Variants in PTPRQ observed in about 807,000 individuals in gnomAD.
The protein encoded by PTPRQ is protein tyrosine phosphatase receptor type Q, also known as phosphatidylinositol phosphatase PTPRQ.
A neutral mutation model predicts 246.0 loss-of-function variants in PTPRQ; 199 were observed. The observed-to-expected ratio is 0.81, with a 90% confidence interval of 0.72 to 0.91. PTPRQ has a LOEUF of 0.91. Among genes scored for constraint, PTPRQ ranks in the 40% least tolerant of loss-of-function variants. PTPRQ has a pLI of 0.00. For missense variants in PTPRQ, 2,624 were observed against 2,528.4 expected (o/e 1.04, Z -0.81); for synonymous variants, 869 against 853.2 (o/e 1.02, Z -0.32).
intron 25 of PTPRQ, among the ~76,000 whole-genome samples, chr12:80,571,455 G>A (rs796259096): frequency 2.0e-5 from 3 of 152,252 alleles, no homozygotes; most frequent in African/African-American, 7.2e-5. Flanking sequence ...CTTTATTAGA[G>A]ATATGTATAA....
At position 80,552,646 on chromosome 12, in the gene PTPRQ, TATA is replaced by T. The variant is rs1345200461; in HGVS notation, c.4285+2913_4285+2915del. ...CCAGGTCTTTGTAAAAAAAAAAAAT[TATA>T]TATATATATATATATATATATATAT... On this transcript the variant is annotated intron_variant, in intron 25 of 44. Coordinates refer to ENST00000644991, the MANE Select transcript of PTPRQ (RefSeq NM_001145026.2). Among the ~76,000 whole-genome samples the T allele has an allele frequency of 4.9e-3, 3 of 618 alleles. No individual in the cohort carries two copies. The East Asian group carries it at 0.056, about 11-fold the overall frequency. 0.4% of individuals were successfully genotyped at this position (618 alleles called of 152,430 possible). A position where few individuals can be genotyped will look rare whatever the true frequency, so the allele number is the denominator to read the frequency against.
At chr12:80,660,734 T>A (rs1325896426) in intron 39 of PTPRQ, among the ~76,000 whole-genome samples, 1 of 152,044 alleles carries the variant, frequency 6.6e-6, no homozygotes, top group African/African-American at 2.4e-5. Flanking sequence ...TTTGTTCCTA[T>A]GTTGACAGAG....
intron 26 of PTPRQ, among the ~76,000 whole-genome samples, chr12:80,600,544 C>A (rs766643698): frequency 2.0e-5 from 3 of 151,600 alleles, no homozygotes; most frequent in Non-Finnish European, 4.4e-5. Context: ...CTTTCTTAGC[C>A]GCAGAAAATT....
rs1233763622 is a variant in PTPRQ at position 80,680,209 on chromosome 12, C to T, written c.*1186C>T. 2 of 151,306 alleles carry T rather than the reference C, an allele frequency of 1.3e-5. No individual in the cohort carries two copies. The highest frequency in any genetic ancestry group is 1.5e-5 in the Non-Finnish European group (1 of 67,754). The allele number at this position is 151,306 out of a possible 1,614,324, so 9.4% of individuals were successfully genotyped here. A position where few individuals can be genotyped will look rare whatever the true frequency, so the allele number is the denominator to read the frequency against. On this transcript the variant is annotated 3_prime_UTR_variant, in exon 45 of 45. Coordinates refer to ENST00000644991, the MANE Select transcript of PTPRQ (RefSeq NM_001145026.2). Reference sequence around the variant, plus strand: ...TCTATGATAAGAAGTATATCTTATGCTTATTTCCGCTGGAACATATATATA... The same window carrying T: ...TCTATGATAAGAAGTATATCTTATGTTTATTTCCGCTGGAACATATATATA...
At chr12:80,547,416 C>T (rs1189702889) in intron 24 of PTPRQ, among the ~76,000 whole-genome samples, 4 of 151,902 alleles carry the variant, frequency 2.6e-5, no homozygotes, top group East Asian at 1.9e-4. Flanking sequence ...CAAAAGATCC[C>T]GTTCTAGTCA....
Position 80,541,742 on chromosome 12 carries a change from T to C in PTPRQ, c.3342T>C (p.Asn1114=). Residue 1114 remains asparagine, a synonymous_variant, in exon 21 of 45, where the codon AAT becomes AAC. Coordinates refer to ENST00000644991, the MANE Select transcript of PTPRQ (RefSeq NM_001145026.2). ...ATGAGAGAAGCATATATTTTGATAA[T>C]CTGGAAAAATACACTGATTATATAT... ...VTYERSIYFD[N]LEKYTDYILK... 6.4e-7 allele frequency: 1 copy of C among 1,551,264 alleles called. No homozygotes were observed.
chr12:80,493,128 G>T (rs1894500795), intron 9 of PTPRQ, 147 bp from the exon 10 acceptor site: 1 of 853,186 alleles, frequency 1.2e-6, no homozygotes, highest in African/African-American at 1.8e-5. Flanking sequence ...TGAAATTTTG[G>T]AATCTAAAGA....
At chr12:80,577,797 T>A (rs1222289377) in intron 25 of PTPRQ, among the ~76,000 whole-genome samples, 1 of 152,134 alleles carries the variant, frequency 6.6e-6, no homozygotes, top group Non-Finnish European at 1.5e-5. Context: ...ATTGAATACA[T>A]TTATAAGACT....
intron 19 of PTPRQ, among the ~76,000 whole-genome samples, chr12:80,538,082 C>T (rs1287458027): frequency 6.6e-6 from 1 of 151,832 alleles, no homozygotes; most frequent in African/African-American, 2.4e-5. Flanking sequence ...GCCCTCTAGC[C>T]TGGGCAACAG....
At chr12:80,444,952 GA>G in intron 2 of PTPRQ, 103 bp downstream of exon 2, 1 of 1,319,556 alleles carries the variant, frequency 7.6e-7, no homozygotes. Flanking sequence ...TTAAATTCAT[GA>G]AAACAGTGTA....
intron 16 of PTPRQ, 43 bp from the exon 17 acceptor site, chr12:80,510,280 A>G (rs1364756175): frequency 2.2e-6 from 3 of 1,388,420 alleles, no homozygotes; most frequent in South Asian, 1.9e-5. Context: ...TTTTTCTTAT[A>G]TATGTTTAAT....
chr12:80,665,199 G>A (rs1900746634), intron 39 of PTPRQ, among the ~76,000 whole-genome samples: 1 of 151,960 alleles, frequency 6.6e-6, no homozygotes, highest in Admixed American at 6.6e-5. Context: ...AGTACGTGGA[G>A]TCCGATGTTC....
chr12:80,552,261 A>G (rs938120455), intron 25 of PTPRQ, among the ~76,000 whole-genome samples: 1 of 152,022 alleles, frequency 6.6e-6, no homozygotes, highest in Non-Finnish European at 1.5e-5. Flanking sequence ...TGCTATGTGG[A>G]GTCTGTGGGA....
In PTPRQ at chr12:80,495,290, C is replaced by G. The variant is rs1214704840; in HGVS notation, c.1801C>G (p.His601Asp). Residue 601 changes from histidine (H) to aspartate (D), a missense_variant, in exon 12 of 45, where the codon CAC (histidine) becomes GAC (aspartate). By Grantham distance (81) the His-to-Asp change is moderately conservative (BLOSUM62 -1). Coordinates refer to ENST00000644991, the MANE Select transcript of PTPRQ (RefSeq NM_001145026.2). ...AGAATATCCCAATGGAAAAATAACT[C>G]ACTATACGATTTATGCAATGGAATT... Reference protein sequence around the residue: ...PPEYPNGKITHYTIYAMELDT... With the variant: ...PPEYPNGKITDYTIYAMELDT... 2.7e-5 allele frequency: 41 copies of G among 1,546,180 alleles called. No individual in the cohort carries two copies. The highest frequency in any genetic ancestry group is 3.4e-5 in the Non-Finnish European group (39 of 1,145,306).
chr12:80,530,750 T>A (rs1895820989), intron 17 of PTPRQ, among the ~76,000 whole-genome samples: 1 of 152,142 alleles, frequency 6.6e-6, no homozygotes, highest in Non-Finnish European at 1.5e-5. Flanking sequence ...TTTATGTGAG[T>A]TTGTCAAAAT....
Position 80,642,931 on chromosome 12 carries a change from A to AAAAAAAAC in PTPRQ, c.5916-5959_5916-5958insCAAAAAAA, listed in dbSNP as rs1348360971. Among the ~76,000 whole-genome samples, 1,006 of 115,000 alleles carry AAAAAAAAC rather than the reference A, an allele frequency of 8.7e-3. 21 individuals carry two copies. Among genetic ancestry groups the AAAAAAAAC allele is most frequent in the African/African-American group, 0.039 (749 of 19,196 alleles). The allele number at this position is 115,000 out of a possible 152,430, so 75.4% of individuals were successfully genotyped here. ...CGAGACTCCGTCTTAAAAAAAAAAA[A>AAAAAAAAC]AAAAAAAAAAAAAAACAATTGAGTA... On this transcript the variant is annotated intron_variant, in intron 35 of 44. Transcript: ENST00000644991.
chr12:80,533,788 A>G (rs1448661804), intron 17 of PTPRQ, among the ~76,000 whole-genome samples: 1 of 152,062 alleles, frequency 6.6e-6, no homozygotes, highest in Non-Finnish European at 1.5e-5. Context: ...ACATCATATT[A>G]ACATTTGATC....
chr12:80,498,818 AC>A (rs567733144), intron 14 of PTPRQ, among the ~76,000 whole-genome samples: 4 of 151,986 alleles, frequency 2.6e-5, no homozygotes, highest in Non-Finnish European at 5.9e-5. Flanking sequence ...CATCAAGAAC[AC>A]CTTATTTTAA....
At position 80,445,546 on chromosome 12, in the gene PTPRQ, T is replaced by G; in HGVS notation, c.219T>G (p.Leu73=). Residue 73 remains leucine, a synonymous_variant, in exon 3 of 45, where the codon CTT becomes CTG. Transcript: ENST00000644991. ...AAAGAGTCGGATCTGCTGGGATTCT[T>G]CTGTCTTGGAATACACCACCTAATC... ...AGERVGSAGI[L]LSWNTPPNPN... 1.3e-6 allele frequency: 2 copies of G among 1,549,604 alleles called. No homozygotes were observed. Among genetic ancestry groups the G allele is most frequent in the Non-Finnish European group, 1.7e-6 (2 of 1,145,830 alleles).
Sources: gnomAD v4.1 joint callset for allele counts (sites outside exome capture counted in the v4.1 genomes callset) on GRCh38, gnomAD v4.1.1 for gene constraint, MANE v1.5 for transcripts, NCBI Gene and HGNC (gene_info 2026-07-23, HGNC 2026-07-21) for gene names.